ACAN: variants seen among roughly 807,000 people sequenced by gnomAD.
ACAN encodes the protein aggrecan.
ACAN carries 47 observed loss-of-function variants against 169.1 expected under a neutral mutation model. That is an observed-to-expected ratio of 0.28 (90% CI 0.22 to 0.35). The LOEUF is 0.35. Among genes scored for constraint, ACAN ranks in the 10% least tolerant of loss-of-function variants. ACAN has a pLI of 1.00. For synonymous variants in ACAN, 1,115 were observed against 1,112.2 expected (o/e 1.00, Z -0.05); for missense variants, 2,716 against 2,759.9 (o/e 0.98, Z 0.36).
Position 88,847,386 on chromosome 15 carries a change from G to T in ACAN, c.1573G>T (p.Asp525Tyr). The T allele has an allele frequency of 6.3e-7, 1 of 1,585,694 alleles. No individual in the cohort carries two copies. The highest frequency in any genetic ancestry group is 1.7e-5 in the Admixed American group (1 of 57,380). Residue 525 changes from aspartate (D) to tyrosine (Y), a missense_variant, in exon 8 of 19, where the codon GAC (aspartate) becomes TAC (tyrosine). Asp to Tyr is a radical substitution (Grantham distance 160). Coordinates refer to ENST00000560601, the MANE Select transcript of ACAN (RefSeq NM_001369268.1). ...CTACGAAGCAGGCTATGAGCAGTGTGACGCCGGCTGGCTGCGGGACCAGAC... is the reference window on the plus strand; with the variant it reads ...CTACGAAGCAGGCTATGAGCAGTGTTACGCCGGCTGGCTGCGGGACCAGAC... ...AAYEAGYEQCDAGWLRDQTVR... is the reference protein window; with the variant it reads ...AAYEAGYEQCYAGWLRDQTVR...
At chr15:88,831,406 C>T (rs772044107) in intron 1 of ACAN, among the ~76,000 whole-genome samples, 4 of 152,242 alleles carry the variant, frequency 2.6e-5, no homozygotes, top group Non-Finnish European at 5.9e-5. Context: ...TTTGGCTGGG[C>T]ACCACCTAGG....
In ACAN at chr15:88,845,603, C is replaced by G. The variant is rs1221062169; in HGVS notation, c.1150C>G (p.Leu384Val). 1.2e-6 allele frequency: 2 copies of G among 1,613,956 alleles called. No individual in the cohort carries two copies. The highest frequency in any genetic ancestry group is 1.3e-5 in the African/African-American group (1 of 74,954). The change falls in exon 7 of 19, where the codon CTG becomes GTG. Residue 384 changes from leucine (L) to valine (V), a missense_variant. By Grantham distance (32) the Leu-to-Val change is conservative (BLOSUM62 1). Coordinates refer to ENST00000560601, the MANE Select transcript of ACAN (RefSeq NM_001369268.1). ...TVTWPDMELP[L>V]PRNITEGEAR... ...GACCTGGCCTGACATGGAGCTGCCACTGCCTCGAAACATCACTGAGGGTGA... is the reference window on the plus strand; with the variant it reads ...GACCTGGCCTGACATGGAGCTGCCAGTGCCTCGAAACATCACTGAGGGTGA...
In ACAN at chr15:88,848,081, G is replaced by C. The variant is rs774071249; in HGVS notation, c.1732+43G>C. The C allele has an allele frequency of 2.1e-5, 33 of 1,602,850 alleles. No homozygotes were observed. In the Admixed American group the frequency reaches 5.5e-4, roughly 27 times the overall value. Reference sequence around the variant, plus strand: ...ACATTTCGGGCCCTAGATGGGCAGGGGGTGGGCAGGGAGCTGACAGGGCGA... The same window carrying C: ...ACATTTCGGGCCCTAGATGGGCAGGCGGTGGGCAGGGAGCTGACAGGGCGA... On this transcript the variant is annotated intron_variant, in intron 9 of 18. Transcript: ENST00000560601.
chr15:88,855,041 C>T lies in ACAN; in HGVS notation c.2456C>T (p.Pro819Leu). The T allele has an allele frequency of 6.3e-7, 1 of 1,594,018 alleles. No individual in the cohort carries two copies. Among genetic ancestry groups the T allele is most frequent in the Non-Finnish European group, 8.5e-7 (1 of 1,171,274 alleles). Residue 819 changes from proline to leucine, a missense_variant, in exon 12 of 19, where the codon CCC becomes CTC. Physicochemically the swap from Pro to Leu is moderately conservative, Grantham distance 98. Around this residue, in one of 3 missense-constraint regions of ACAN, gnomAD observed 1,283 missense variants for 1,281.5 expected, o/e 1.00. Coordinates refer to ENST00000560601, the MANE Select transcript of ACAN (RefSeq NM_001369268.1). ...VRPFPSVELF[P>L]SEEPFPSKEP... ...CCATTCCCCTCAGTGGAGCTGTTCCCCTCAGAGGAGCCATTCCCCTCCAAG... is the reference window on the plus strand; with the variant it reads ...CCATTCCCCTCAGTGGAGCTGTTCCTCTCAGAGGAGCCATTCCCCTCCAAG...
intron 1 of ACAN, among the ~76,000 whole-genome samples, chr15:88,822,464 T>C (rs1896100597): frequency 7.2e-6 from 1 of 138,654 alleles, no homozygotes; most frequent in African/African-American, 2.7e-5. Context: ...AGGAGCTAAC[T>C]ACATGTTTTT....
chr15:88,838,723 G>C lies in ACAN; in HGVS notation c.131G>C (p.Gly44Ala), dbSNP rs1896569344. ...CCGTCCCCGCTGAGGGTCCTCCTGG[G>C]GACCTCCCTCACCATCCCCTGCTAT... is the stretch of plus-strand genomic sequence containing the variant. ...PQPSPLRVLL[G>A]TSLTIPCYFI... Residue 44 changes from glycine (G) to alanine (A), a missense_variant, in exon 3 of 19, where the codon GGG becomes GCG. Around this residue, in one of 3 missense-constraint regions of ACAN, gnomAD observed 1,283 missense variants for 1,281.5 expected, o/e 1.00. Coordinates refer to ENST00000560601, the MANE Select transcript of ACAN (RefSeq NM_001369268.1). The surrounding 1 kb of genome is among the most constrained non-coding windows in gnomAD (Gnocchi z 5.1). The C allele has an allele frequency of 1.2e-6, 2 of 1,611,254 alleles. No individual in the cohort carries two copies. Among genetic ancestry groups the C allele is most frequent in the Non-Finnish European group, 1.7e-6 (2 of 1,178,010 alleles).
intron 1 of ACAN, among the ~76,000 whole-genome samples, chr15:88,822,312 G>A (rs74028464): frequency 0.12 from 18,823 of 152,156 alleles, 1,395 homozygotes; most frequent in East Asian, 0.32. Context: ...ACCTTTCTTC[G>A]GGCAAAGTTA....
intron 11 of ACAN, among the ~76,000 whole-genome samples, chr15:88,852,846 T>G (rs905903666): frequency 6.6e-6 from 1 of 152,244 alleles, no homozygotes; most frequent in Non-Finnish European, 1.5e-5. Flanking sequence ...TATGTGTGTA[T>G]ACCTGGTAGA....
At chr15:88,819,364 C>G (rs1212748074) in intron 1 of ACAN, among the ~76,000 whole-genome samples, 2 of 152,106 alleles carry the variant, frequency 1.3e-5, no homozygotes, top group Non-Finnish European at 2.9e-5. Context: ...CCTGAGGTAC[C>G]TTGGTTCTTT....
intron 1 of ACAN, among the ~76,000 whole-genome samples, chr15:88,818,766 G>A (rs1368082827): frequency 6.6e-6 from 1 of 152,142 alleles, no homozygotes; most frequent in Non-Finnish European, 1.5e-5. Context: ...GACTTGTGTG[G>A]AGCTTTAGGG....
rs1897281765 is a variant in ACAN, at chr15:88,866,439, T to C, written c.6947-1777T>C. Reference sequence around the variant, plus strand: ...GCCGACTGGCCTGACCTATTGCTGCTACTGCTGCTGCTGGGAATCCTGGGG... The same window carrying C: ...GCCGACTGGCCTGACCTATTGCTGCCACTGCTGCTGCTGGGAATCCTGGGG... On this transcript the variant is annotated intron_variant, in intron 13 of 18. Transcript: ENST00000560601. This position sits in a 1 kb window ranked among gnomAD's most constrained non-coding sequence, Gnocchi z 5.6. 6.6e-6 allele frequency among the ~76,000 whole-genome samples: 1 copy of C among 152,222 alleles called. No homozygotes were observed. The highest frequency in any genetic ancestry group is 1.5e-5 in the Non-Finnish European group (1 of 68,038).
At position 88,839,848 on chromosome 15, in the gene ACAN, T is replaced by A. The variant is rs1031193634; in HGVS notation, c.455-164T>A. Among the ~76,000 whole-genome samples the A allele has an allele frequency of 6.6e-6, 1 of 152,124 alleles. No individual in the cohort carries two copies. The highest frequency in any genetic ancestry group is 2.4e-5 in the African/African-American group (1 of 41,420). On this transcript the variant is annotated intron_variant, in intron 3 of 18. Transcript: ENST00000560601. This position sits in a 1 kb window ranked among gnomAD's most constrained non-coding sequence, Gnocchi z 4.5. ...CCCATTACAGGGTGTTCCAGCAAAT[T>A]CAGAAGGATCACGTGCAAAGGTGTA...
rs117490607 is a variant in ACAN, at chr15:88,807,227, G to T, written c.-8+3418G>T. Reference sequence around the variant, plus strand: ...AGGAAGAGGACCCAGAGTCAGAGAGGAAGCAGGGCATGGAGGAAGGTCTGC... The same window carrying T: ...AGGAAGAGGACCCAGAGTCAGAGAGTAAGCAGGGCATGGAGGAAGGTCTGC... On this transcript the variant is annotated intron_variant, in intron 1 of 18. Transcript: ENST00000560601. This position sits in a 1 kb window ranked among gnomAD's most constrained non-coding sequence, Gnocchi z 4.0. 0.014 allele frequency among the ~76,000 whole-genome samples: 2,083 copies of T among 152,240 alleles called. 25 individuals are homozygous for T. Among genetic ancestry groups the T allele is most frequent in the Non-Finnish European group, 0.021 (1,409 of 68,020 alleles).
chr15:88,803,869 G>C (rs1362239033), intron 1 of ACAN, 60 bp downstream of exon 1: 1 of 152,400 alleles, frequency 6.6e-6, no homozygotes, highest in Non-Finnish European at 1.5e-5. Flanking sequence ...AGCCAGGAAC[G>C]GGACTGAGAC....
intron 13 of ACAN, among the ~76,000 whole-genome samples, chr15:88,862,887 A>G (rs1212053549): frequency 1.3e-5 from 2 of 151,364 alleles, no homozygotes; most frequent in Admixed American, 1.3e-4. Flanking sequence ...AATCCTAGCT[A>G]CTCGGGAGGC....
chr15:88,867,241 G>A (rs1282563194), intron 13 of ACAN, among the ~76,000 whole-genome samples: 2 of 152,206 alleles, frequency 1.3e-5, no homozygotes, highest in African/African-American at 2.4e-5. Flanking sequence ...AATGGCCAAT[G>A]ACTTACCAAT....
rs1897289026 is a variant in ACAN, at chr15:88,866,902, A to G, written c.6947-1314A>G. 6.6e-6 allele frequency among the ~76,000 whole-genome samples: 1 copy of G among 152,184 alleles called. No individual in the cohort carries two copies. Among genetic ancestry groups the G allele is most frequent in the East Asian group, 1.9e-4 (1 of 5,180 alleles). On this transcript the variant is annotated intron_variant, in intron 13 of 18. Transcript: ENST00000560601. This position sits in a 1 kb window ranked among gnomAD's most constrained non-coding sequence, Gnocchi z 5.6. ...TGTCCTGCAGAGCCCACCTACAGAC[A>G]TGTCACTGGATCTGGAAGGCTGTGT...
chr15:88,816,324 T>C (rs1351078215), intron 1 of ACAN, among the ~76,000 whole-genome samples: 2 of 152,238 alleles, frequency 1.3e-5, no homozygotes, highest in African/African-American at 4.8e-5. Flanking sequence ...TCAATGTATT[T>C]AGACCTGTGC....
chr15:88,859,321 G>A lies in ACAN; in HGVS notation c.6736G>A (p.Glu2246Lys), dbSNP rs771255342. ...IESSSLLYSG[E>K]ETHTVETATS... ...GTCCTCAAGCCTCCTGTACTCAGGA[G>A]AAGAGACTCACACAGTCGAAACAGC... Residue 2246 changes from glutamate to lysine, a missense_variant, in exon 12 of 19, where the codon GAA (glutamate) becomes AAA (lysine). Transcript: ENST00000560601. 9 of 1,609,898 alleles carry A rather than the reference G, an allele frequency of 5.6e-6. No individual in the cohort carries two copies. The highest frequency in any genetic ancestry group is 5.5e-5 in the South Asian group (5 of 90,416).
Sources: gnomAD v4.1 joint callset for allele counts (sites outside exome capture counted in the v4.1 genomes callset) on GRCh38, gnomAD v4.1.1 for gene constraint, gnomAD v4.1.1 regional missense constraint, Gnocchi (gnomAD v3.1) non-coding constraint, MANE v1.5 for transcripts, NCBI Gene and HGNC (gene_info 2026-07-23, HGNC 2026-07-21) for gene names.